The following NID1 variants were observed in gnomAD, a reference collection of about 807,000 sequenced individuals.
The protein encoded by NID1 is nidogen-1.
Under a neutral mutation model 130.6 loss-of-function variants are expected in NID1, and 76 were observed. That is an observed-to-expected ratio of 0.58 (90% confidence interval 0.48 to 0.70). The LOEUF (loss-of-function observed/expected upper bound fraction) is 0.70, where lower values mean the gene tolerates loss of function less well. NID1 is among the 30% of genes least tolerant of loss of function. The pLI, the probability that NID1 is intolerant of heterozygous loss-of-function variation, is 0.00. For synonymous variants in NID1, 665 were observed against 675.1 expected (o/e 0.98, Z 0.23); for missense variants, 1,517 against 1,664.8 (o/e 0.91, Z 1.54).
At chr1:236,008,748 C>A (rs1196019089) in intron 12 of NID1, among the ~76,000 whole-genome samples, 2 of 151,628 alleles carry the variant, frequency 1.3e-5, no homozygotes, top group African/African-American at 2.4e-5. Flanking sequence ...ATCACCGCAA[C>A]CTCTGCCCCC....
In NID1 at chr1:236,060,400, A is replaced by G. The variant is rs561446956; in HGVS notation, c.225+4455T>C. ...AACCTGTTTTATCAGGAAGGTCTTC[A>G]TGACCTGTATCTTGTGCTGACCTCC... On this transcript the variant is annotated intron_variant, in intron 1 of 19. Transcript: ENST00000264187. Among the ~76,000 whole-genome samples, 32 of 152,252 alleles carry G rather than the reference A, an allele frequency of 2.1e-4. No individual in the cohort carries two copies. The South Asian group carries it at 6.6e-3, about 32-fold the overall frequency.
In NID1 at chr1:236,025,996, G is replaced by A; in HGVS notation, c.1884C>T (p.Pro628=). The A allele has an allele frequency of 1.9e-6, 3 of 1,613,792 alleles. No homozygotes were observed. Among genetic ancestry groups the A allele is most frequent in the Non-Finnish European group, 2.5e-6 (3 of 1,179,976 alleles). The part of the protein sequence containing the change: ...CVHDDSRPAL[P]STQQLSVDSV... ...TGTCCACCGAGAGCTGCTGGGTGCTGGGCAGGGCTGGCCGGGAGTCATCGT... is the reference window on the plus strand; with the variant it reads ...TGTCCACCGAGAGCTGCTGGGTGCTAGGCAGGGCTGGCCGGGAGTCATCGT... The change falls in exon 8 of 20, where the codon CCC becomes CCT. Residue 628 remains proline (P), a synonymous_variant. Transcript: ENST00000264187.
chr1:236,055,807 T>A (rs1159300507), intron 1 of NID1, among the ~76,000 whole-genome samples: 3 of 152,184 alleles, frequency 2.0e-5, no homozygotes, highest in Non-Finnish European at 4.4e-5. Context: ...TTTGGTTTTG[T>A]TTTTCCAGGT....
At chr1:235,992,626 C>T (rs1414828546) in intron 13 of NID1, among the ~76,000 whole-genome samples, 2 of 152,176 alleles carry the variant, frequency 1.3e-5, no homozygotes, top group Non-Finnish European at 2.9e-5. Flanking sequence ...CATCTCCCTA[C>T]ACTGTTCCTG....
intron 15 of NID1, among the ~76,000 whole-genome samples, chr1:235,984,477 A>T (rs1380223766): frequency 6.6e-6 from 1 of 152,222 alleles, no homozygotes; most frequent in South Asian, 2.1e-4. Flanking sequence ...TGAGGGAAAC[A>T]TTCCATTGAA....
intron 11 of NID1, among the ~76,000 whole-genome samples, chr1:236,012,631 T>A (rs1373680654): frequency 6.7e-6 from 1 of 148,950 alleles, no homozygotes; most frequent in East Asian, 2.0e-4. Context: ...AAAGATAGGA[T>A]CTATTTGTAT....
rs1659042187 is a variant in NID1, at chr1:236,029,711, C to T, written c.1577G>A (p.Gly526Glu). 4 of 1,614,000 alleles carry T rather than the reference C, an allele frequency of 2.5e-6. No individual in the cohort carries two copies. Among genetic ancestry groups the T allele is most frequent in the African/African-American group, 1.3e-5 (1 of 74,926 alleles). The change falls in exon 7 of 20, where the codon GGG (glycine) becomes GAG (glutamate). Residue 526 changes from glycine to glutamate, a missense_variant. Coordinates refer to ENST00000264187, the MANE Select transcript of NID1 (RefSeq NM_002508.3). ...FTRQAEVTFV[G>E]HPGNLVIKQR... Reference sequence around the variant, plus strand: ...CTTAATGACCAGATTGCCCGGGTGCCCCACGAAGGTCACCTCAGCCTGGCG... The same window carrying T: ...CTTAATGACCAGATTGCCCGGGTGCTCCACGAAGGTCACCTCAGCCTGGCG...
chr1:235,990,655 T>C (rs1025293522), intron 14 of NID1, among the ~76,000 whole-genome samples: 3 of 152,204 alleles, frequency 2.0e-5, no homozygotes, highest in Non-Finnish European at 2.9e-5. Context: ...GGCTCTTAAA[T>C]TGAGCAGCTG....
chr1:236,039,194 T>TATATA (rs1241275636), intron 4 of NID1, among the ~76,000 whole-genome samples: 1 of 146,374 alleles, frequency 6.8e-6, no homozygotes, highest in African/African-American at 2.5e-5. Flanking sequence ...TATATAATAA[T>TATATA]ATATAATACA....
chr1:236,013,347 G>C, intron 11 of NID1, 64 bp downstream of exon 11: 1 of 1,576,158 alleles, frequency 6.3e-7, no homozygotes, highest in South Asian at 1.1e-5. Flanking sequence ...ATTGGCACAT[G>C]ACAGGTACCA....
At position 236,051,587 on chromosome 1, in the gene NID1, T is replaced by C. The variant is rs541317741; in HGVS notation, c.226-2598A>G. 7.2e-5 allele frequency among the ~76,000 whole-genome samples: 11 copies of C among 152,302 alleles called. No individual in the cohort carries two copies. In the South Asian group the frequency reaches 2.3e-3, roughly 32 times the overall value. On this transcript the variant is annotated intron_variant, in intron 1 of 19. Transcript: ENST00000264187. ...GCACCAGCAAGGCTTTTCTAGAAGA[T>C]ACTGGCAGGCTGTGGAGAAGGGAGT...
chr1:235,996,812 G>A (rs111534428), intron 12 of NID1, among the ~76,000 whole-genome samples: 1 of 151,646 alleles, frequency 6.6e-6, no homozygotes, highest in South Asian at 2.1e-4. Context: ...TCCTGGACTC[G>A]AGTCATCTTC....
At position 235,979,250 on chromosome 1, in the gene NID1, T is replaced by G; in HGVS notation, c.3510-143A>C. On this transcript the variant is annotated intron_variant, in intron 18 of 19. Coordinates refer to ENST00000264187, the MANE Select transcript of NID1 (RefSeq NM_002508.3). This position sits in a 1 kb window ranked among gnomAD's most constrained non-coding sequence, Gnocchi z 4.6. Reference sequence around the variant, plus strand: ...GGCCTTCTTCCTAGACATCCCTTCCTTCCCCTGGGGTGGGTCAAGCCTGCA... The same window carrying G: ...GGCCTTCTTCCTAGACATCCCTTCCGTCCCCTGGGGTGGGTCAAGCCTGCA... 1.6e-6 allele frequency: 1 copy of G among 639,424 alleles called. No homozygotes were observed. The highest frequency in any genetic ancestry group is 2.8e-6 in the Non-Finnish European group (1 of 355,952). The allele number at this position is 639,424 out of a possible 1,614,324, so 39.6% of individuals were successfully genotyped here.
chr1:236,036,259 T>C (rs1051969790), intron 5 of NID1, among the ~76,000 whole-genome samples: 4 of 152,136 alleles, frequency 2.6e-5, no homozygotes, highest in Admixed American at 2.0e-4. Flanking sequence ...TCAAAAACAG[T>C]TTAGAAGTTA....
chr1:236,060,166 C>A (rs1467512936), intron 1 of NID1, among the ~76,000 whole-genome samples: 1 of 151,848 alleles, frequency 6.6e-6, no homozygotes, highest in African/African-American at 2.4e-5. Flanking sequence ...TGCTAGTAGC[C>A]CATTTTCATG....
At position 235,980,433 on chromosome 1, in the gene NID1, G is replaced by C. The variant is rs1425862795; in HGVS notation, c.3385+63C>G. 37 of 1,566,852 alleles carry C rather than the reference G, an allele frequency of 2.4e-5. No homozygotes were observed. The Admixed American group carries it at 6.7e-4, about 28-fold the overall frequency. The stretch of plus-strand genomic sequence containing the variant: ...GGTTAGATTTGACCCCAGGGCCCTA[G>C]TTTGCCCACCCCTGACTTAGGAGAT... On this transcript the variant is annotated intron_variant, in intron 17 of 19. Coordinates refer to ENST00000264187, the MANE Select transcript of NID1 (RefSeq NM_002508.3).
chr1:236,015,642 T>C (rs1219106027), intron 10 of NID1, among the ~76,000 whole-genome samples: 1 of 73,966 alleles, frequency 1.4e-5, no homozygotes. Flanking sequence ...AGCAAAACCC[T>C]GTCTCAAAAA....
intron 3 of NID1, among the ~76,000 whole-genome samples, chr1:236,043,616 G>A (rs1659516684): frequency 6.7e-6 from 1 of 150,356 alleles, no homozygotes; most frequent in Non-Finnish European, 1.5e-5. Context: ...GGCTAACATG[G>A]TGAAACCCCG....
At chr1:236,059,482 T>C (rs1659983702) in intron 1 of NID1, among the ~76,000 whole-genome samples, 1 of 152,146 alleles carries the variant, frequency 6.6e-6, no homozygotes, top group African/African-American at 2.4e-5. Context: ...TTAAACCTAG[T>C]AAAGATTAAT....
Sources: gnomAD v4.1 joint callset for allele counts (sites outside exome capture counted in the v4.1 genomes callset) on GRCh38, gnomAD v4.1.1 for gene constraint, Gnocchi (gnomAD v3.1) non-coding constraint, MANE v1.5 for transcripts, NCBI Gene and HGNC (gene_info 2026-07-23, HGNC 2026-07-21) for gene names.